The following RAPGEF4 variants were observed in gnomAD, a reference collection of about 807,000 sequenced individuals.
RAPGEF4 encodes RAP guanine-nucleotide-exchange factor (GEF) 4.
RAPGEF4 carries 66 observed loss-of-function variants against 147.9 expected under a neutral mutation model. The observed-to-expected ratio is 0.45, with a 90% confidence interval of 0.37 to 0.55. The LOEUF (loss-of-function observed/expected upper bound fraction) is 0.55, where lower values mean the gene tolerates loss of function less well. Among genes scored for constraint, RAPGEF4 ranks in the 20% least tolerant of loss-of-function variants. RAPGEF4 has a pLI of 0.00. For synonymous variants in RAPGEF4, 419 were observed against 442.7 expected (o/e 0.95, Z 0.67); for missense variants, 1,071 against 1,257.3 (o/e 0.85, Z 2.24).
rs539711290 is a variant in RAPGEF4 at position 173,032,193 on chromosome 2, G to A, written c.2650-1721G>A. Among the ~76,000 whole-genome samples the A allele has an allele frequency of 9.9e-5, 15 of 152,280 alleles. No homozygotes were observed. In the South Asian group the frequency reaches 1.9e-3, roughly 19 times the overall value. ...ATCTGGAGCAGAACAGTTCTTGGTCGTGGAGACGTCTTCTCTGTTGCAGGA... is the reference window on the plus strand; with the variant it reads ...ATCTGGAGCAGAACAGTTCTTGGTCATGGAGACGTCTTCTCTGTTGCAGGA... On this transcript the variant is annotated intron_variant, in intron 26 of 30. Transcript: ENST00000397081.
At position 172,831,266 on chromosome 2, in the gene RAPGEF4, C is replaced by CTTTTTTTTTTTTTTTTTTTTTTT. The variant is rs71018521; in HGVS notation, c.444+16860_444+16861insTTTTTTTTTTTTTTTTTTTTTTT. On this transcript the variant is annotated intron_variant, in intron 4 of 30. Transcript: ENST00000397081. ...AAATGTGACTGTTTCAGATAGAAAA[C>CTTTTTTTTTTTTTTTTTTTTTTT]TTTTTTTTTTTTTTTTTTTGAGACA... Among the ~76,000 whole-genome samples, 350 of 53,868 alleles carry CTTTTTTTTTTTTTTTTTTTTTTT rather than the reference C, an allele frequency of 6.5e-3. 116 individuals are homozygous for CTTTTTTTTTTTTTTTTTTTTTTT. Among genetic ancestry groups the CTTTTTTTTTTTTTTTTTTTTTTT allele is most frequent in the Non-Finnish European group, 9.2e-3 (257 of 28,084 alleles). The allele number at this position is 53,868 out of a possible 152,430, so 35.3% of individuals were successfully genotyped here.
chr2:172,820,680 G>T (rs1187743766), intron 4 of RAPGEF4, among the ~76,000 whole-genome samples: 2 of 152,186 alleles, frequency 1.3e-5, no homozygotes, highest in Non-Finnish European at 2.9e-5. Context: ...ACAAAACTGA[G>T]TGGTAAAAAT....
intron 4 of RAPGEF4, among the ~76,000 whole-genome samples, chr2:172,834,897 C>T (rs1352268274): frequency 6.6e-6 from 1 of 152,046 alleles, no homozygotes; most frequent in African/African-American, 2.4e-5. Context: ...TGAAATATTA[C>T]ATTTTGTTTT....
chr2:172,818,892 A>G (rs529375356), intron 4 of RAPGEF4, among the ~76,000 whole-genome samples: 62 of 152,316 alleles, frequency 4.1e-4, no homozygotes, highest in Non-Finnish European at 6.8e-4. Flanking sequence ...TTGAAATCCT[A>G]TTTAATTCTA....
At chr2:172,746,323 G>A (rs568912693) in intron 1 of RAPGEF4, among the ~76,000 whole-genome samples, 18 of 152,212 alleles carry the variant, frequency 1.2e-4, no homozygotes, top group East Asian at 7.7e-4. Context: ...ATGGTGTTCC[G>A]TCTCTTCTCT....
chr2:172,816,753 C>T (rs977269996), intron 4 of RAPGEF4, among the ~76,000 whole-genome samples: 7 of 152,110 alleles, frequency 4.6e-5, no homozygotes, highest in Non-Finnish European at 7.4e-5. Context: ...GTACTGGGGA[C>T]GACATTCAGA....
chr2:172,940,176 G>A (rs1328544871), intron 6 of RAPGEF4, among the ~76,000 whole-genome samples: 3 of 152,140 alleles, frequency 2.0e-5, no homozygotes, highest in East Asian at 3.9e-4. Flanking sequence ...TTGGGGAGAA[G>A]ACCACCGAGT....
Position 172,989,026 on chromosome 2 carries a change from T to C in RAPGEF4, c.1374+187T>C, listed in dbSNP as rs1261249975. Among the ~76,000 whole-genome samples the C allele has an allele frequency of 2.6e-5, 4 of 152,396 alleles. No homozygotes were observed. The East Asian group carries it at 5.8e-4, about 22-fold the overall frequency. ...TGCATTCTGGGATCCAGAGGTTGTA[T>C]TCCAGTAAAGCTGCAAATGCAGGAT... On this transcript the variant is annotated intron_variant, in intron 14 of 30. Transcript: ENST00000397081.
At chr2:172,934,265 T>G (rs1196847387) in intron 6 of RAPGEF4, among the ~76,000 whole-genome samples, 1 of 141,582 alleles carries the variant, frequency 7.1e-6, no homozygotes, top group African/African-American at 2.6e-5. Context: ...TTCCCCTGCC[T>G]CAGCCTCCCA....
intron 4 of RAPGEF4, among the ~76,000 whole-genome samples, chr2:172,901,789 C>G (rs1262022766): frequency 6.6e-6 from 1 of 152,188 alleles, no homozygotes; most frequent in Admixed American, 6.5e-5. Flanking sequence ...AGAGCTTCTT[C>G]CCATGTCCCA....
intron 4 of RAPGEF4, among the ~76,000 whole-genome samples, chr2:172,850,945 G>T (rs981333665): frequency 6.6e-6 from 1 of 152,126 alleles, no homozygotes; most frequent in African/African-American, 2.4e-5. Flanking sequence ...TTTTCATTCA[G>T]TTCAGCCCTG....
intron 17 of RAPGEF4, among the ~76,000 whole-genome samples, chr2:173,011,170 G>GCGCACACACACACACACACACACA (rs564434178): frequency 7.5e-6 from 1 of 133,500 alleles, no homozygotes. Flanking sequence ...GCGCGCGCGC[G>GCGCACACACACACACACACACACA]CACACACACA....
chr2:172,785,581 A>G (rs1336090727), intron 1 of RAPGEF4, among the ~76,000 whole-genome samples: 1 of 152,208 alleles, frequency 6.6e-6, no homozygotes, highest in Non-Finnish European at 1.5e-5. Flanking sequence ...TCTAATGCAT[A>G]TATATTAAGT....
chr2:172,839,442 G>A (rs1049754988), intron 4 of RAPGEF4, among the ~76,000 whole-genome samples: 1 of 152,070 alleles, frequency 6.6e-6, no homozygotes, highest in Non-Finnish European at 1.5e-5. Flanking sequence ...GGCCATATGG[G>A]GTAACTTCCT....
rs1575473770 is a variant in RAPGEF4, at chr2:172,996,640, C to A, written c.1579+86C>A. ...CTGAATTCATTTGCAGTGTGTATAG[C>A]GAAAGCAGTTTGGGAAGGGGATTCT... is the stretch of plus-strand genomic sequence containing the variant. On this transcript the variant is annotated intron_variant, in intron 16 of 30. Transcript: ENST00000397081. 5 of 941,218 alleles carry A rather than the reference C, an allele frequency of 5.3e-6. 1 individual carries two copies. The highest frequency in any genetic ancestry group is 8.0e-6 in the Non-Finnish European group (5 of 622,858). The allele number at this position is 941,218 out of a possible 1,614,324, so 58.3% of individuals were successfully genotyped here.
chr2:172,828,801 C>CACATCACA (rs1689973132), intron 4 of RAPGEF4, among the ~76,000 whole-genome samples: 1 of 152,156 alleles, frequency 6.6e-6, no homozygotes, highest in Non-Finnish European at 1.5e-5. Flanking sequence ...CCTCCCAGTT[C>CACATCACA]AGGCAAATCA....
intron 6 of RAPGEF4, among the ~76,000 whole-genome samples, chr2:172,952,442 A>G (rs747424199): frequency 3.3e-5 from 5 of 152,220 alleles, no homozygotes; most frequent in African/African-American, 4.8e-5. Flanking sequence ...ACTCTTTTTC[A>G]GAGTTTATGT....
chr2:172,814,197 A>C (rs1207224656), intron 3 of RAPGEF4, 82 bp from the exon 4 acceptor site: 1 of 1,433,778 alleles, frequency 7.0e-7, no homozygotes, highest in Non-Finnish European at 9.8e-7. Flanking sequence ...GCCTTGTACA[A>C]ATTATACTGC....
chr2:172,744,200 A>G, intron 1 of RAPGEF4: 1 of 260,146 alleles, frequency 3.8e-6, no homozygotes, highest in Non-Finnish European at 7.7e-6. Flanking sequence ...TTCCACTTTT[A>G]TTTCAGGGCC....
Sources: gnomAD v4.1 joint callset for allele counts (sites outside exome capture counted in the v4.1 genomes callset) on GRCh38, gnomAD v4.1.1 for gene constraint, MANE v1.5 for transcripts, NCBI Gene and HGNC (gene_info 2026-07-23, HGNC 2026-07-21) for gene names.